Variants in ENTREP2 observed in about 807,000 individuals in gnomAD.
ENTREP2 encodes protein ENTREP2.
the ENTREP2 span, among the ~76,000 whole-genome samples, chr15:29,154,084 T>A: frequency 6.6e-6 from 1 of 152,246 alleles, no homozygotes; most frequent in African/African-American, 2.4e-5. Context: ...GAAATGTGAT[T>A]GATTTTTGTA....
chr15:29,350,630 T>C, the ENTREP2 span, among the ~76,000 whole-genome samples: 1 of 152,146 alleles, frequency 6.6e-6, no homozygotes, highest in Non-Finnish European at 1.5e-5. Context: ...CACCAAAAGT[T>C]TTGCAATAAT....
chr15:29,311,688 C>T, the ENTREP2 span, among the ~76,000 whole-genome samples: 52 of 151,566 alleles, frequency 3.4e-4, no homozygotes, highest in African/African-American at 1.2e-3. Context: ...AGACTCCATC[C>T]CCCCCCCAAA....
the ENTREP2 span, among the ~76,000 whole-genome samples, chr15:29,560,062 G>A: frequency 3.3e-5 from 5 of 152,178 alleles, no homozygotes; most frequent in African/African-American, 1.2e-4. Flanking sequence ...GAGAGGACAA[G>A]AGCAGAAGTG....
chr15:29,249,406 T>C, the ENTREP2 span, among the ~76,000 whole-genome samples: 1 of 152,216 alleles, frequency 6.6e-6, no homozygotes, highest in Non-Finnish European at 1.5e-5. Context: ...ATTAAATATA[T>C]ATGTATACAT....
chr15:29,657,207 C>G, the ENTREP2 span, among the ~76,000 whole-genome samples: 3 of 149,814 alleles, frequency 2.0e-5, no homozygotes, highest in African/African-American at 7.6e-5. Context: ...ACCACCACGC[C>G]GCGCCAGCTT....
the ENTREP2 span, among the ~76,000 whole-genome samples, chr15:29,397,480 C>T: frequency 1.3e-5 from 2 of 152,134 alleles, no homozygotes; most frequent in East Asian, 3.8e-4. Context: ...CCCTTGCTGC[C>T]TGTCAAGCTA....
At chr15:29,527,357 A>G in the ENTREP2 span, among the ~76,000 whole-genome samples, 1,971 of 152,292 alleles carry the variant, frequency 0.013, 44 homozygotes, top group African/African-American at 0.046. Context: ...TACCTTTGAG[A>G]AACACTGCTT....
At chr15:29,535,522 G>GA in the ENTREP2 span, among the ~76,000 whole-genome samples, 2 of 151,456 alleles carry the variant, frequency 1.3e-5, no homozygotes, top group Non-Finnish European at 2.9e-5. Flanking sequence ...TCTCTACAAA[G>GA]AAAAAAAAAT....
the ENTREP2 span, among the ~76,000 whole-genome samples, chr15:29,434,325 C>T: frequency 6.6e-6 from 1 of 152,166 alleles, no homozygotes. Context: ...AAAAGATGTT[C>T]CCTGGTGCAT....
the ENTREP2 span, among the ~76,000 whole-genome samples, chr15:29,406,504 T>C: frequency 6.6e-6 from 1 of 152,040 alleles, no homozygotes; most frequent in Non-Finnish European, 1.5e-5. Flanking sequence ...GCCAAGATCA[T>C]GCCACTGCAC....
chr15:29,214,252 C>T, the ENTREP2 span, among the ~76,000 whole-genome samples: 38 of 152,232 alleles, frequency 2.5e-4, no homozygotes, highest in African/African-American at 7.0e-4. Flanking sequence ...ATGTTTACTG[C>T]GGCACTATTC....
chr15:29,192,280 A>C, the ENTREP2 span, among the ~76,000 whole-genome samples: 1 of 152,204 alleles, frequency 6.6e-6, no homozygotes, highest in Non-Finnish European at 1.5e-5. Flanking sequence ...CAGATATTCA[A>C]TGCAAAAGAG....
chr15:29,559,205 C>T, the ENTREP2 span, among the ~76,000 whole-genome samples: 1 of 152,244 alleles, frequency 6.6e-6, no homozygotes, highest in African/African-American at 2.4e-5. Flanking sequence ...TGTGATCGAT[C>T]CAGTTACAGT....
the ENTREP2 span, among the ~76,000 whole-genome samples, chr15:29,553,240 G>A: frequency 6.6e-6 from 1 of 152,148 alleles, no homozygotes; most frequent in Non-Finnish European, 1.5e-5. Context: ...AGGTTGCAGT[G>A]AGCTGAGATC....
the ENTREP2 span, among the ~76,000 whole-genome samples, chr15:29,478,012 TA>T: frequency 0.056 from 4,115 of 73,476 alleles, 240 homozygotes; most frequent in African/African-American, 0.1. Flanking sequence ...TATATATATA[TA>T]TATATATTTT....
At chr15:29,305,813 T>C in the ENTREP2 span, among the ~76,000 whole-genome samples, 1 of 152,192 alleles carries the variant, frequency 6.6e-6, no homozygotes, top group Admixed American at 6.5e-5. Flanking sequence ...AAAAAGAAGC[T>C]GAACTAAAGA....
At chr15:29,573,658 CCTCTCT>C in the ENTREP2 span, among the ~76,000 whole-genome samples, 3 of 146,702 alleles carry the variant, frequency 2.0e-5, no homozygotes, top group East Asian at 2.0e-4. Flanking sequence ...TCTCTCTCTC[CCTCTCT>C]CTCTCTCTCT....
At chr15:29,118,255 T>C in the ENTREP2 span, 1 of 152,560 alleles carries the variant, frequency 6.6e-6, no homozygotes, top group African/African-American at 2.4e-5. Context: ...GTGTGTTGCA[T>C]GCAGCTACCC....
At chr15:29,303,252 T>C in the ENTREP2 span, among the ~76,000 whole-genome samples, 47,594 of 152,130 alleles carry the variant, frequency 0.31, 11,146 homozygotes, top group African/African-American at 0.66. Flanking sequence ...TCACTTAGTT[T>C]GTATTTGTTT....
Sources: allele counts gnomAD v4.1 joint callset (sites outside exome capture counted in the v4.1 genomes callset), GRCh38; gene constraint gnomAD v4.1.1; transcripts MANE v1.5; gene names NCBI Gene and HGNC (gene_info 2026-07-23, HGNC 2026-07-21).